Variants in NCOR1 observed in about 807,000 individuals in gnomAD.
NCOR1 encodes protein phosphatase 1, regulatory subunit 109.
NCOR1 carries 63 observed loss-of-function variants against 288.1 expected under a neutral mutation model. The observed-to-expected ratio is 0.22, with a 90% CI of 0.18 to 0.27. NCOR1 has a LOEUF of 0.27. Ranked by LOEUF, NCOR1 falls within the 10% of genes least tolerant of loss-of-function variation. The pLI, the probability that NCOR1 is intolerant of heterozygous loss-of-function variation, is 1.00. For missense variants in NCOR1, 2,397 were observed against 3,019.2 expected (o/e 0.79, Z 4.83); for synonymous variants, 1,007 against 1,065.9 (o/e 0.94, Z 1.08).
chr17:16,065,167 G>A, intron 33 of NCOR1, 148 bp from the exon 34 acceptor site: 3 of 817,596 alleles, frequency 3.7e-6, no homozygotes, highest in Non-Finnish European at 5.6e-6. Context: ...TACTTTTTAA[G>A]ACATTCTTTA....
chr17:16,201,481 C>T (rs1195585597), intron 1 of NCOR1, among the ~76,000 whole-genome samples: 1 of 152,124 alleles, frequency 6.6e-6, no homozygotes, highest in Non-Finnish European at 1.5e-5. Context: ...TGTCTGTAAT[C>T]CCAGCTACTC....
rs115824964 is a variant in NCOR1, at chr17:16,137,611, C to G, written c.1408-199G>C. 8.9e-3 allele frequency among the ~76,000 whole-genome samples: 1,359 copies of G among 152,288 alleles called. 23 individuals are homozygous for G. Among genetic ancestry groups the G allele is most frequent in the African/African-American group, 0.031 (1,293 of 41,558 alleles). ...TAGGTACTATTTTAATAGACAGTTA[C>G]AGTTGTTAATCCAAATTATGTGAAA... On this transcript the variant is annotated intron_variant, in intron 13 of 45. Coordinates refer to ENST00000268712, the MANE Select transcript of NCOR1 (RefSeq NM_006311.4).
chr17:16,080,420 C>T lies in NCOR1; in HGVS notation c.3388G>A (p.Gly1130Ser). 1.2e-6 allele frequency: 2 copies of T among 1,613,676 alleles called. No individual in the cohort carries two copies. Among genetic ancestry groups the T allele is most frequent in the Non-Finnish European group, 8.5e-7 (1 of 1,179,682 alleles). The change falls in exon 25 of 46, where the codon GGT becomes AGT. Residue 1130 changes from glycine (G) to serine (S), a missense_variant. Physicochemically the swap from Gly to Ser is moderately conservative, Grantham distance 56. Transcript: ENST00000268712. Reference protein sequence around the residue: ...EGLLVRAQHEGVVRGTAGAIQ... With the variant: ...EGLLVRAQHESVVRGTAGAIQ... ...CAGCATATTTTACCTCTGACTACACCTTCATGTTGGGCCCTGACCAACAGA... is the reference window on the plus strand; with the variant it reads ...CAGCATATTTTACCTCTGACTACACTTTCATGTTGGGCCCTGACCAACAGA...
chr17:16,107,144 C>T (rs1231519657), intron 19 of NCOR1, among the ~76,000 whole-genome samples: 1 of 151,842 alleles, frequency 6.6e-6, no homozygotes, highest in Non-Finnish European at 1.5e-5. Context: ...TTCCGCCCTC[C>T]TGGGCCTCCC....
intron 15 of NCOR1, chr17:16,122,754 A>G (rs11078332): frequency 0.45 from 68,917 of 152,038 alleles, 16,650 homozygotes; most frequent in Middle Eastern, 0.58. Context: ...CTCCCACCTC[A>G]GCTTCTCGAG....
rs1451561715 is a variant in NCOR1 at position 16,194,719 on chromosome 17, C to T, written c.-70-80G>A. On this transcript the variant is annotated intron_variant, in intron 1 of 45. Transcript: ENST00000268712. ...TTCTAATAAATTATAACTATAGCTA[C>T]ATAAATAAAACCACAATTACCAGTA... 14 of 455,552 alleles carry T rather than the reference C, an allele frequency of 3.1e-5. 1 individual carries two copies. The highest frequency in any genetic ancestry group is 4.3e-5 in the Non-Finnish European group (11 of 255,164). 28.2% of individuals were successfully genotyped at this position (455,552 alleles called of 1,614,324 possible). A position where few individuals can be genotyped will look rare whatever the true frequency, so the allele number is the denominator to read the frequency against.
intron 33 of NCOR1, 131 bp downstream of exon 33, chr17:16,065,354 C>T (rs188537776): frequency 2.6e-5 from 28 of 1,071,424 alleles, no homozygotes; most frequent in African/African-American, 1.6e-4. Context: ...AAAAAGTCTA[C>T]GGGAGGAAGG....
intron 13 of NCOR1, chr17:16,137,691 CCTTT>C: frequency 4.0e-6 from 1 of 252,012 alleles, no homozygotes; most frequent in Non-Finnish European, 7.4e-6. Context: ...AAGTAAATTC[CCTTT>C]CTGATTACAT....
In NCOR1 at chr17:16,085,350, T is replaced by C. The variant is rs1004381936; in HGVS notation, c.3177+932A>G. On this transcript the variant is annotated intron_variant, in intron 23 of 45. Transcript: ENST00000268712. Reference sequence around the variant, plus strand: ...AACCATTCTGGAAAAGTATAAAACATACACAAACCTAGTAATTCCACTCCC... The same window carrying C: ...AACCATTCTGGAAAAGTATAAAACACACACAAACCTAGTAATTCCACTCCC... Among the ~76,000 whole-genome samples the C allele has an allele frequency of 8.3e-4, 126 of 152,106 alleles. 1 individual carries two copies. Among genetic ancestry groups the C allele is most frequent in the Non-Finnish European group, 1.6e-4 (11 of 68,006 alleles).
intron 9 of NCOR1, among the ~76,000 whole-genome samples, chr17:16,148,555 C>A (rs1302310661): frequency 2.7e-5 from 4 of 149,616 alleles, no homozygotes; most frequent in African/African-American, 9.8e-5. Flanking sequence ...ACAGTGTTTG[C>A]ATCACCAGTG....
At chr17:16,088,759 A>C (rs985309206) in intron 22 of NCOR1, among the ~76,000 whole-genome samples, 2 of 152,266 alleles carry the variant, frequency 1.3e-5, no homozygotes, top group East Asian at 3.9e-4. Context: ...GAAAAATCAC[A>C]TCTAATTGCC....
chr17:16,061,267 G>A, intron 37 of NCOR1, 134 bp downstream of exon 37: 1 of 1,100,974 alleles, frequency 9.1e-7, no homozygotes, highest in South Asian at 1.6e-5. Flanking sequence ...AAAAACAGCA[G>A]AAGATACATT....
intron 1 of NCOR1, among the ~76,000 whole-genome samples, chr17:16,214,576 C>T (rs2092397537): frequency 6.6e-6 from 1 of 152,226 alleles, no homozygotes; most frequent in Admixed American, 6.5e-5. Flanking sequence ...GGCACCGCAG[C>T]ATGCAACATC....
intron 15 of NCOR1, among the ~76,000 whole-genome samples, chr17:16,124,169 T>G (rs774669414): frequency 1.8e-4 from 27 of 152,202 alleles, no homozygotes; most frequent in Non-Finnish European, 3.5e-4. Flanking sequence ...GACTAGCTAC[T>G]TTAGCTTCCA....
In NCOR1 at chr17:16,029,556, T is replaced by TA. The variant is rs1444980982; in HGVS notation, c.*2739dup. On this transcript the variant is annotated 3_prime_UTR_variant, in exon 46 of 46. Transcript: ENST00000268712. ...TTTATGAAGAGTATTAGGAAGACCT[T>TA]AATTTAGTTCTGGGTGCTAAAAAAA... The TA allele has an allele frequency of 4.8e-6, 1 of 209,670 alleles. No homozygotes were observed. The highest frequency in any genetic ancestry group is 9.8e-6 in the Non-Finnish European group (1 of 101,722). 13.0% of individuals were successfully genotyped at this position (209,670 alleles called of 1,614,324 possible).
chr17:16,033,620 T>C (rs1358455173), intron 45 of NCOR1, among the ~76,000 whole-genome samples: 1 of 150,204 alleles, frequency 6.7e-6, no homozygotes, highest in Non-Finnish European at 1.5e-5. Flanking sequence ...TGGCTTATAA[T>C]TCTCTGAAAC....
chr17:16,059,208 G>C (rs1208719435), intron 37 of NCOR1, among the ~76,000 whole-genome samples: 1 of 152,042 alleles, frequency 6.6e-6, no homozygotes, highest in African/African-American at 2.4e-5. Flanking sequence ...AACAAATGAG[G>C]GAGTAGATCT....
chr17:16,081,632 C>A (rs907245921), intron 23 of NCOR1, among the ~76,000 whole-genome samples: 1 of 152,142 alleles, frequency 6.6e-6, no homozygotes, highest in Non-Finnish European at 1.5e-5. Context: ...TGTTGGTTCT[C>A]TGGGAGACTC....
At position 16,029,486 on chromosome 17, in the gene NCOR1, T is replaced by C. The variant is rs368962055; in HGVS notation, c.*2810A>G. 33 of 271,126 alleles carry C rather than the reference T, an allele frequency of 1.2e-4. No individual in the cohort carries two copies. In the East Asian group the frequency reaches 2.9e-3, roughly 24 times the overall value. 16.8% of individuals were successfully genotyped at this position (271,126 alleles called of 1,614,324 possible). A position where few individuals can be genotyped will look rare whatever the true frequency, so the allele number is the denominator to read the frequency against. On this transcript the variant is annotated 3_prime_UTR_variant, in exon 46 of 46. Coordinates refer to ENST00000268712, the MANE Select transcript of NCOR1 (RefSeq NM_006311.4). Reference sequence around the variant, plus strand: ...TACCAAAATTAAAAGCATTATGAAATTTGCAGTCATAAACATGCAGTGGAA... The same window carrying C: ...TACCAAAATTAAAAGCATTATGAAACTTGCAGTCATAAACATGCAGTGGAA...
Sources: gnomAD v4.1 joint callset for allele counts (sites outside exome capture counted in the v4.1 genomes callset) on GRCh38, gnomAD v4.1.1 for gene constraint, MANE v1.5 for transcripts, NCBI Gene and HGNC (gene_info 2026-07-23, HGNC 2026-07-21) for gene names.